The following KCTD16 variants were observed in gnomAD, a reference collection of about 807,000 sequenced individuals.
KCTD16 encodes BTB/POZ domain-containing protein KCTD16.
Under a neutral mutation model 33.2 loss-of-function variants are expected in KCTD16, and 13 were observed. The ratio of observed to expected loss-of-function variants is 0.39; its 90% CI spans 0.25 to 0.62. The LOEUF (loss-of-function observed/expected upper bound fraction) is 0.62. KCTD16 is among the 20% of genes least tolerant of loss of function. The pLI, the probability that KCTD16 is intolerant of heterozygous loss-of-function variation, is 0.50. For missense variants in KCTD16, 441 were observed against 525.1 expected, an observed-to-expected ratio of 0.84 and a Z score of 1.57; for synonymous variants, 197 against 195.3, an observed-to-expected ratio of 1.01 and a Z score of -0.07.
chr5:144,299,034 A>G (rs1756125644), intron 3 of KCTD16, among the ~76,000 whole-genome samples: 1 of 122,988 alleles, frequency 8.1e-6, no homozygotes, highest in Admixed American at 8.7e-5. Flanking sequence ...TGAATAAGTA[A>G]AACAGATCAC....
At chr5:144,434,799 C>T (rs527989068) in intron 3 of KCTD16, among the ~76,000 whole-genome samples, 3 of 152,212 alleles carry the variant, frequency 2.0e-5, no homozygotes, top group African/African-American at 7.2e-5. Context: ...CTTTTCTTTC[C>T]TGTAGCGCAA....
chr5:144,281,557 G>T (rs1755610164), intron 3 of KCTD16, among the ~76,000 whole-genome samples: 2 of 152,030 alleles, frequency 1.3e-5, no homozygotes, highest in Admixed American at 6.6e-5. Flanking sequence ...CAGAGAAAAA[G>T]ACCTTGCATT....
At chr5:144,325,640 C>T (rs759748842) in intron 3 of KCTD16, among the ~76,000 whole-genome samples, 12 of 152,120 alleles carry the variant, frequency 7.9e-5, no homozygotes, top group Non-Finnish European at 1.3e-4. Context: ...TTATACTTCT[C>T]TTTCAAGTTT....
intron 3 of KCTD16, among the ~76,000 whole-genome samples, chr5:144,219,804 G>T (rs1187266125): frequency 6.6e-6 from 1 of 151,966 alleles, no homozygotes; most frequent in African/African-American, 2.4e-5. Flanking sequence ...GATTACAGGC[G>T]TGAAACACCG....
intron 3 of KCTD16, among the ~76,000 whole-genome samples, chr5:144,418,974 C>T (rs540852779): frequency 3.3e-4 from 50 of 152,252 alleles, no homozygotes; most frequent in African/African-American, 1.2e-3. Context: ...GCTTATTCCA[C>T]CAAGCCACAC....
intron 3 of KCTD16, among the ~76,000 whole-genome samples, chr5:144,351,885 G>A (rs1295807146): frequency 6.6e-6 from 1 of 152,082 alleles, no homozygotes; most frequent in Non-Finnish European, 1.5e-5. Flanking sequence ...GCTGTGGGGT[G>A]GGGAACTGGA....
At chr5:144,251,090 T>A (rs1327730483) in intron 3 of KCTD16, among the ~76,000 whole-genome samples, 1 of 152,174 alleles carries the variant, frequency 6.6e-6, no homozygotes, top group Non-Finnish European at 1.5e-5. Context: ...CAGTCTCAGT[T>A]TGGCCAGAGT....
At position 144,320,283 on chromosome 5, in the gene KCTD16, T is replaced by C. The variant is rs1752038406; in HGVS notation, c.832+112737T>C. On this transcript the variant is annotated intron_variant, in intron 3 of 3. Coordinates refer to ENST00000512467, the MANE Select transcript of KCTD16 (RefSeq NM_020768.4). ...CTGAGGGCTAAAAAGGAAAAAGGTA[T>C]TTGGAAGAAGAATGTATTATAGAGT... Among the ~76,000 whole-genome samples the C allele has an allele frequency of 2.0e-5, 3 of 152,192 alleles. No homozygotes were observed. The South Asian group carries it at 6.2e-4, about 32-fold the overall frequency.
At chr5:144,391,087 C>G (rs1023830651) in intron 3 of KCTD16, among the ~76,000 whole-genome samples, 3 of 152,062 alleles carry the variant, frequency 2.0e-5, no homozygotes, top group African/African-American at 7.2e-5. Flanking sequence ...ACGTTGTGCC[C>G]CCACTATAAT....
At chr5:144,462,995 G>A (rs995081832) in intron 3 of KCTD16, among the ~76,000 whole-genome samples, 1 of 152,194 alleles carries the variant, frequency 6.6e-6, no homozygotes, top group African/African-American at 2.4e-5. Context: ...CGTATATAAA[G>A]GAATAGCAGT....
chr5:144,423,643 T>C (rs1753258992), intron 3 of KCTD16, among the ~76,000 whole-genome samples: 1 of 152,128 alleles, frequency 6.6e-6, no homozygotes, highest in Non-Finnish European at 1.5e-5. Flanking sequence ...GCACAAAATG[T>C]AAATGAAACT....
At chr5:144,266,194 C>A (rs1018678728) in intron 3 of KCTD16, among the ~76,000 whole-genome samples, 1 of 152,142 alleles carries the variant, frequency 6.6e-6, no homozygotes, top group Admixed American at 6.5e-5. Context: ...TGTATGCATG[C>A]ATGCATATAT....
intron 3 of KCTD16, among the ~76,000 whole-genome samples, chr5:144,287,824 C>T (rs980761048): frequency 2.1e-4 from 32 of 151,898 alleles, no homozygotes; most frequent in East Asian, 3.9e-4. Context: ...TTAGTAGAGT[C>T]GAGGTTTCAC....
At chr5:144,262,466 G>T (rs531834650) in intron 3 of KCTD16, among the ~76,000 whole-genome samples, 99 of 152,170 alleles carry the variant, frequency 6.5e-4, no homozygotes, top group Non-Finnish European at 1.1e-3. Flanking sequence ...TTTAAAACTA[G>T]CAAATGGTGA....
intron 3 of KCTD16, among the ~76,000 whole-genome samples, chr5:144,458,143 G>A (rs949401332): frequency 6.6e-6 from 1 of 152,136 alleles, no homozygotes; most frequent in African/African-American, 2.4e-5. Context: ...TATTTAAGTG[G>A]TTGTAGGAGG....
At chr5:144,303,336 A>G (rs1385684753) in intron 3 of KCTD16, among the ~76,000 whole-genome samples, 1 of 152,248 alleles carries the variant, frequency 6.6e-6, no homozygotes, top group Non-Finnish European at 1.5e-5. Flanking sequence ...AGACTTAGGA[A>G]CAAAGATGAA....
At chr5:144,238,273 T>C (rs1342919857) in intron 3 of KCTD16, among the ~76,000 whole-genome samples, 1 of 152,082 alleles carries the variant, frequency 6.6e-6, no homozygotes, top group African/African-American at 2.4e-5. Flanking sequence ...CTAAAAAAGA[T>C]TCAAGAAAGA....
intron 3 of KCTD16, 115 bp from the exon 4 acceptor site, chr5:144,473,545 G>C: frequency 9.1e-7 from 1 of 1,100,612 alleles, no homozygotes; most frequent in Non-Finnish European, 1.3e-6. Flanking sequence ...TTTTCTAAAA[G>C]CATGGTTCTG....
chr5:144,189,592 G>C (rs1056668655), intron 2 of KCTD16, among the ~76,000 whole-genome samples: 1 of 152,088 alleles, frequency 6.6e-6, no homozygotes, highest in Admixed American at 6.5e-5. Flanking sequence ...TGTGAATCCC[G>C]TTTGCAGACC....
Sources: gnomAD v4.1 joint callset for allele counts (sites outside exome capture counted in the v4.1 genomes callset) on GRCh38, gnomAD v4.1.1 for gene constraint, MANE v1.5 for transcripts, NCBI Gene and HGNC (gene_info 2026-07-23, HGNC 2026-07-21) for gene names.